The following NALCN variants were observed in gnomAD, a reference collection of about 807,000 sequenced individuals.
NALCN encodes the protein sodium leak channel NALCN.
NALCN carries 111 observed loss-of-function variants against 225.3 expected under a neutral mutation model. The ratio of observed to expected loss-of-function variants is 0.49; its 90% CI spans 0.42 to 0.58. NALCN has a LOEUF of 0.58. NALCN is among the 20% of genes least tolerant of loss of function. The probability of loss-of-function intolerance (pLI) is 0.00; values close to 1 mark genes in which losing one functional copy is unlikely to be tolerated. For synonymous variants in NALCN, 764 were observed against 769.0 expected (o/e 0.99, Z 0.11); for missense variants, 1,378 against 2,202.4 (o/e 0.63, Z 7.49).
At position 101,283,993 on chromosome 13, in the gene NALCN, A is replaced by C; in HGVS notation, c.1074T>G (p.Gly358=). 6.2e-7 allele frequency: 1 copy of C among 1,613,528 alleles called. No homozygotes were observed. ...TQMFHEDAAG[G]WQLVAVDVNK... is the part of the protein sequence containing the mutation. ...TGACATCCACAGCTACCAGCTGCCAACCTCCAGCAGCATCTTCATGAAACA... is the reference window on the plus strand; with the variant it reads ...TGACATCCACAGCTACCAGCTGCCACCCTCCAGCAGCATCTTCATGAAACA... Residue 358 remains glycine, a synonymous_variant, in exon 10 of 44, where the codon GGT becomes GGG. Coordinates refer to ENST00000251127, the MANE Select transcript of NALCN (RefSeq NM_052867.4).
chr13:101,129,872 GC>G (rs1041228133), intron 17 of NALCN, among the ~76,000 whole-genome samples: 3 of 146,986 alleles, frequency 2.0e-5, no homozygotes, highest in Non-Finnish European at 4.5e-5. Flanking sequence ...CCCTCCCCTT[GC>G]CCCCCACCCC....
chr13:101,061,049 G>C (rs1031676616), intron 41 of NALCN, among the ~76,000 whole-genome samples: 1 of 152,206 alleles, frequency 6.6e-6, no homozygotes, highest in African/African-American at 2.4e-5. Context: ...TAAATGTTTA[G>C]TGATTGCTTT....
chr13:101,347,456 A>T (rs918089921), intron 6 of NALCN, among the ~76,000 whole-genome samples: 2 of 152,190 alleles, frequency 1.3e-5, no homozygotes, highest in African/African-American at 4.8e-5. Flanking sequence ...AGACAGACAC[A>T]TCGTGTATAT....
intron 15 of NALCN, among the ~76,000 whole-genome samples, chr13:101,163,802 CAG>C (rs1329068183): frequency 6.6e-6 from 1 of 152,108 alleles, no homozygotes; most frequent in African/African-American, 2.4e-5. Context: ...TGGCTGAAAA[CAG>C]AAATGTATTG....
chr13:101,305,640 T>G (rs2044130200), intron 7 of NALCN, among the ~76,000 whole-genome samples: 1 of 152,210 alleles, frequency 6.6e-6, no homozygotes, highest in Non-Finnish European at 1.5e-5. Flanking sequence ...CTTGTCTCCT[T>G]TTATCTCAAA....
intron 6 of NALCN, among the ~76,000 whole-genome samples, chr13:101,351,742 G>A (rs1199678957): frequency 3.3e-5 from 5 of 152,156 alleles, no homozygotes; most frequent in Non-Finnish European, 7.4e-5. Context: ...TCATATAAAA[G>A]AAAAGGGATA....
At chr13:101,363,044 A>G (rs1030780102) in intron 6 of NALCN, among the ~76,000 whole-genome samples, 6 of 152,118 alleles carry the variant, frequency 3.9e-5, no homozygotes, top group East Asian at 1.9e-4. Context: ...GAAGTGAAAG[A>G]TCTCTACAAT....
intron 7 of NALCN, among the ~76,000 whole-genome samples, chr13:101,334,001 C>G (rs1342980886): frequency 6.6e-6 from 1 of 151,996 alleles, no homozygotes; most frequent in Non-Finnish European, 1.5e-5. Context: ...TTTCAAAAGG[C>G]AATCTATCAA....
At chr13:101,141,258 A>G (rs1168759317) in intron 17 of NALCN, among the ~76,000 whole-genome samples, 1 of 152,198 alleles carries the variant, frequency 6.6e-6, no homozygotes, top group African/African-American at 2.4e-5. Context: ...CTGATGAAAA[A>G]AGACATATAA....
At chr13:101,068,244 G>A (rs1302488811) in intron 38 of NALCN, among the ~76,000 whole-genome samples, 2 of 152,088 alleles carry the variant, frequency 1.3e-5, no homozygotes, top group Non-Finnish European at 2.9e-5. Context: ...CATGAGGGTC[G>A]TAAGCACAAA....
intron 14 of NALCN, chr13:101,180,484 T>G (rs963967797): frequency 2.0e-5 from 3 of 152,742 alleles, no homozygotes; most frequent in African/African-American, 7.3e-5. Flanking sequence ...GGATTACAGG[T>G]GTGAGTCACC....
chr13:101,286,038 C>G (rs959527966), intron 9 of NALCN, among the ~76,000 whole-genome samples: 2 of 152,036 alleles, frequency 1.3e-5, no homozygotes, highest in Non-Finnish European at 2.9e-5. Context: ...AGTGTTCTCC[C>G]AAGGTCACTT....
chr13:101,257,450 C>T (rs1222753568), intron 11 of NALCN, among the ~76,000 whole-genome samples: 1 of 151,986 alleles, frequency 6.6e-6, no homozygotes, highest in African/African-American at 2.4e-5. Flanking sequence ...AAAGCTTGTG[C>T]GTGGGTAGAC....
intron 15 of NALCN, among the ~76,000 whole-genome samples, chr13:101,149,550 C>A (rs1363308929): frequency 6.6e-6 from 1 of 152,168 alleles, no homozygotes; most frequent in African/African-American, 2.4e-5. Flanking sequence ...AAATAGAACT[C>A]TTTGTAAATA....
intron 12 of NALCN, among the ~76,000 whole-genome samples, chr13:101,231,667 T>A (rs2041353387): frequency 6.6e-6 from 1 of 152,230 alleles, no homozygotes; most frequent in South Asian, 2.1e-4. Flanking sequence ...CATCCAAGAT[T>A]TTTTGATGTC....
chr13:101,374,695 A>C (rs1385233886), intron 6 of NALCN, among the ~76,000 whole-genome samples: 1 of 152,216 alleles, frequency 6.6e-6, no homozygotes, highest in African/African-American at 2.4e-5. Context: ...ACATTTAACC[A>C]GTGAAATTAT....
At chr13:101,238,259 G>A (rs1049704156) in intron 11 of NALCN, among the ~76,000 whole-genome samples, 4 of 151,634 alleles carry the variant, frequency 2.6e-5, no homozygotes, top group African/African-American at 9.7e-5. Flanking sequence ...TTTGTATGTT[G>A]TATTTTTTAA....
chr13:101,082,714 C>G, intron 33 of NALCN, 95 bp downstream of exon 33: 1 of 1,282,058 alleles, frequency 7.8e-7, no homozygotes, highest in Non-Finnish European at 1.1e-6. Flanking sequence ...GGCAATGGAA[C>G]ACAGAGAGGA....
intron 7 of NALCN, among the ~76,000 whole-genome samples, chr13:101,305,233 G>T (rs2044117339): frequency 6.6e-6 from 1 of 152,148 alleles, no homozygotes; most frequent in African/African-American, 2.4e-5. Context: ...GTTGAATGTT[G>T]TATCCAACTC....
Sources: allele counts gnomAD v4.1 joint callset (sites outside exome capture counted in the v4.1 genomes callset), GRCh38; gene constraint gnomAD v4.1.1; transcripts MANE v1.5; gene names NCBI Gene and HGNC (gene_info 2026-07-23, HGNC 2026-07-21).